MEIKIN: variants seen among roughly 807,000 people sequenced by gnomAD.
MEIKIN encodes the protein meiotic kinetochore factor.
intron 4 of MEIKIN, among the ~76,000 whole-genome samples, chr5:131,939,752 T>C (rs964164085): frequency 6.6e-6 from 1 of 152,310 alleles, no homozygotes; most frequent in African/African-American, 2.4e-5. Flanking sequence ...GCAAATGAAC[T>C]CTCAGAATAC....
At chr5:131,813,024 G>A (rs1432786868) in intron 12 of MEIKIN, among the ~76,000 whole-genome samples, 1 of 152,204 alleles carries the variant, frequency 6.6e-6, no homozygotes, top group Non-Finnish European at 1.5e-5. Context: ...TAAATTTGGT[G>A]TTAATGGCAG....
chr5:131,899,014 C>T (rs764387759), intron 8 of MEIKIN, among the ~76,000 whole-genome samples: 15 of 152,292 alleles, frequency 9.8e-5, no homozygotes, highest in South Asian at 2.1e-4. Flanking sequence ...GTGTCGATCA[C>T]GCTGGGAGCT....
chr5:131,925,932 T>G (rs1751580135), intron 5 of MEIKIN, among the ~76,000 whole-genome samples: 1 of 152,220 alleles, frequency 6.6e-6, no homozygotes, highest in Non-Finnish European at 1.5e-5. Context: ...CCTCTTAAAG[T>G]GCTGGGGTAC....
At chr5:131,854,107 A>G (rs186397373) in intron 10 of MEIKIN, among the ~76,000 whole-genome samples, 11 of 152,354 alleles carry the variant, frequency 7.2e-5, no homozygotes, top group African/African-American at 2.6e-4. Context: ...CCATCAATAG[A>G]TGAATGGATA....
chr5:131,858,889 C>A (rs1350142052), intron 9 of MEIKIN, among the ~76,000 whole-genome samples: 1 of 152,148 alleles, frequency 6.6e-6, no homozygotes, highest in African/African-American at 2.4e-5. Context: ...CATCTCACAC[C>A]AGTCAGAATG....
chr5:131,938,199 C>T (rs1255660404), intron 4 of MEIKIN, among the ~76,000 whole-genome samples: 2 of 143,692 alleles, frequency 1.4e-5, no homozygotes, highest in African/African-American at 2.6e-5. Flanking sequence ...TGGAGTCTCG[C>T]TCTCTCACCT....
At chr5:131,857,603 G>C (rs1350054007) in intron 9 of MEIKIN, among the ~76,000 whole-genome samples, 4 of 152,104 alleles carry the variant, frequency 2.6e-5, no homozygotes, top group African/African-American at 9.7e-5. Context: ...CCTTCTCATA[G>C]CTCCTTCACT....
chr5:131,836,194 G>T (rs1325391872), intron 11 of MEIKIN, among the ~76,000 whole-genome samples: 1 of 152,094 alleles, frequency 6.6e-6, no homozygotes, highest in Non-Finnish European at 1.5e-5. Flanking sequence ...ATGGCCTCCA[G>T]CTCCATCCAT....
At chr5:131,878,876 T>TAAA (rs34025279) in intron 9 of MEIKIN, 102 bp downstream of exon 9, 25 of 315,228 alleles carry the variant, frequency 7.9e-5, no homozygotes, top group East Asian at 5.0e-4. Flanking sequence ...CCCCATTTCT[T>TAAA]AAAAAAAAAA....
At chr5:131,897,001 G>A (rs1469295436) in intron 8 of MEIKIN, among the ~76,000 whole-genome samples, 2 of 152,190 alleles carry the variant, frequency 1.3e-5, no homozygotes, top group Non-Finnish European at 2.9e-5. Context: ...AATCTGGCAT[G>A]TTTTTGCAGT....
At chr5:131,878,363 C>T (rs1381266714) in intron 9 of MEIKIN, among the ~76,000 whole-genome samples, 8 of 152,100 alleles carry the variant, frequency 5.3e-5, no homozygotes, top group South Asian at 2.1e-4. Context: ...GTCAGGAGAT[C>T]GAGTCCATCC....
Position 131,945,578 on chromosome 5 carries a change from C to A in MEIKIN, c.-73G>T, listed in dbSNP as rs901025908. The A allele has an allele frequency of 5.0e-6, 2 of 399,950 alleles. No individual in the cohort carries two copies. Among genetic ancestry groups the A allele is most frequent in the Non-Finnish European group, 4.4e-6 (1 of 225,936 alleles). 24.8% of individuals were successfully genotyped at this position (399,950 alleles called of 1,614,324 possible). A position where few individuals can be genotyped will look rare whatever the true frequency, so the allele number is the denominator to read the frequency against. ...TGGCCTGCCTTCCTGAGGATCAGGG[C>A]TAAGTCACAGGGAGTCAGCGTCCAG... On this transcript the variant is annotated 5_prime_UTR_variant, in exon 1 of 13. Coordinates refer to ENST00000442687, the MANE Select transcript of MEIKIN (RefSeq NM_001303622.2).
At chr5:131,882,622 T>A (rs1342825049) in intron 8 of MEIKIN, among the ~76,000 whole-genome samples, 1 of 152,230 alleles carries the variant, frequency 6.6e-6, no homozygotes, top group Non-Finnish European at 1.5e-5. Flanking sequence ...GATCATGTCA[T>A]CCCTCTGCTC....
chr5:131,899,339 T>C (rs1248580587), intron 8 of MEIKIN, among the ~76,000 whole-genome samples: 2 of 151,404 alleles, frequency 1.3e-5, no homozygotes, highest in East Asian at 3.9e-4. Flanking sequence ...ATACAACAGA[T>C]ACACAAAAAA....
chr5:131,875,902 C>T (rs955217286), intron 9 of MEIKIN, among the ~76,000 whole-genome samples: 12 of 152,052 alleles, frequency 7.9e-5, no homozygotes, highest in African/African-American at 1.2e-4. Flanking sequence ...GGAAAGGATT[C>T]GCTATTTAAT....
chr5:131,931,213 TC>T (rs1751684380), intron 5 of MEIKIN, among the ~76,000 whole-genome samples: 1 of 152,214 alleles, frequency 6.6e-6, no homozygotes, highest in Non-Finnish European at 1.5e-5. Flanking sequence ...ATATGTCAGA[TC>T]TTGTCAACAT....
intron 11 of MEIKIN, among the ~76,000 whole-genome samples, chr5:131,846,377 GCTA>G (rs1750023401): frequency 6.6e-6 from 1 of 152,080 alleles, no homozygotes; most frequent in Non-Finnish European, 1.5e-5. Context: ...AATTATAAAA[GCTA>G]CTATTATTAT....
intron 9 of MEIKIN, among the ~76,000 whole-genome samples, chr5:131,867,491 G>GT (rs1750403049): frequency 1.3e-5 from 2 of 152,178 alleles, no homozygotes; most frequent in South Asian, 4.1e-4. Flanking sequence ...ATACAAAGTA[G>GT]TTTCCCAGTC....
At chr5:131,857,354 G>A (rs529227256) in intron 9 of MEIKIN, among the ~76,000 whole-genome samples, 1 of 152,204 alleles carries the variant, frequency 6.6e-6, no homozygotes, top group South Asian at 2.1e-4. Flanking sequence ...AAAATAGTTC[G>A]AAACACAGGT....
Sources: gnomAD v4.1 joint callset for allele counts (sites outside exome capture counted in the v4.1 genomes callset) on GRCh38, gnomAD v4.1.1 for gene constraint, MANE v1.5 for transcripts, NCBI Gene and HGNC (gene_info 2026-07-23, HGNC 2026-07-21) for gene names.